Variants in CACNA2D4 observed in about 807,000 individuals in gnomAD.
CACNA2D4 encodes the protein calcium voltage-gated channel auxiliary subunit alpha2delta 4, also known as voltage-dependent calcium channel subunit alpha-2/delta-4.
A neutral mutation model predicts 163.8 loss-of-function variants in CACNA2D4; 157 were observed. The observed-to-expected ratio is 0.96, with a 90% CI of 0.84 to 1.09. The LOEUF is 1.09. Ranked by LOEUF, CACNA2D4 falls within the 50% of genes least tolerant of loss-of-function variation. The pLI, the probability that CACNA2D4 is intolerant of heterozygous loss-of-function variation, is 0.00. For synonymous variants in CACNA2D4, 598 were observed against 586.9 expected, an observed-to-expected ratio of 1.02 and a Z score of -0.27; for missense variants, 1,410 against 1,479.9, an observed-to-expected ratio of 0.95 and a Z score of 0.78.
chr12:1,918,440 G>C lies in CACNA2D4; in HGVS notation c.34C>G (p.Pro12Ala). 1 of 1,580,616 alleles carries C rather than the reference G, an allele frequency of 6.3e-7. No homozygotes were observed. Among genetic ancestry groups the C allele is most frequent in the Non-Finnish European group, 8.6e-7 (1 of 1,163,764 alleles). Residue 12 changes from proline to alanine, a missense_variant, in exon 1 of 38, where the codon CCC becomes GCC. Transcript: ENST00000382722. Reference sequence around the variant, plus strand: ...GCAGGCATGGTGGGCCTGGGGTTGGGGAGGGGAAGGAGGGCAGAGCAGCCA... The same window carrying C: ...GCAGGCATGGTGGGCCTGGGGTTGGCGAGGGGAAGGAGGGCAGAGCAGCCA... ...VCGCSALLPL[P>A]NPRPTMPATP...
At chr12:1,809,671 A>T in intron 29 of CACNA2D4, 1 of 654,136 alleles carries the variant, frequency 1.5e-6, no homozygotes, top group Non-Finnish European at 2.7e-6. Flanking sequence ...GGGTTCAGGG[A>T]GATACCCACA....
chr12:1,807,380 A>G (rs1349487737), intron 29 of CACNA2D4, among the ~76,000 whole-genome samples: 1 of 151,690 alleles, frequency 6.6e-6, no homozygotes, highest in Non-Finnish European at 1.5e-5. Context: ...ACCCTGAGCC[A>G]GCCGCACCCA....
At chr12:1,846,802 A>AG in intron 23 of CACNA2D4, 113 bp from the exon 24 acceptor site, 1 of 845,508 alleles carries the variant, frequency 1.2e-6, no homozygotes, top group Non-Finnish European at 1.9e-6. Flanking sequence ...GGCTCAGGGA[A>AG]GACTTTCCAG....
In CACNA2D4 at chr12:1,894,251, C is replaced by T. The variant is rs187034943; in HGVS notation, c.782-7182G>A. ...TAAAATTGAACCAGTAATAAAAAGCCTCCCAACAAAGGAAAATCTAGGACC... is the reference window on the plus strand; with the variant it reads ...TAAAATTGAACCAGTAATAAAAAGCTTCCCAACAAAGGAAAATCTAGGACC... On this transcript the variant is annotated intron_variant, in intron 6 of 37. Coordinates refer to ENST00000382722, the MANE Select transcript of CACNA2D4 (RefSeq NM_172364.5). Among the ~76,000 whole-genome samples, 7 of 152,220 alleles carry T rather than the reference C, an allele frequency of 4.6e-5. No homozygotes were observed. The East Asian group carries it at 9.6e-4, about 21-fold the overall frequency.
At chr12:1,860,946 A>T (rs534359137) in intron 18 of CACNA2D4, among the ~76,000 whole-genome samples, 3 of 152,156 alleles carry the variant, frequency 2.0e-5, no homozygotes, top group Non-Finnish European at 2.9e-5. Flanking sequence ...AAGTTACTTC[A>T]CTTCGAGTTC....
intron 29 of CACNA2D4, among the ~76,000 whole-genome samples, chr12:1,803,122 G>A (rs910784958): frequency 3.3e-5 from 5 of 152,248 alleles, no homozygotes; most frequent in African/African-American, 9.6e-5. Flanking sequence ...GCTGGTACAG[G>A]AGCTGAGGCA....
rs983250182 is a variant in CACNA2D4, at chr12:1,875,024, C to T, written c.1806+227G>A. Among the ~76,000 whole-genome samples, 2 of 152,176 alleles carry T rather than the reference C, an allele frequency of 1.3e-5. No individual in the cohort carries two copies. Among genetic ancestry groups the T allele is most frequent in the Admixed American group, 1.3e-4 (2 of 15,278 alleles). ...AGCTTATACACATGATCTCATCCAG[C>T]CTCAGTAGTCCTTGTGATTCAAGAA... On this transcript the variant is annotated intron_variant, in intron 17 of 37. Coordinates refer to ENST00000382722, the MANE Select transcript of CACNA2D4 (RefSeq NM_172364.5). The surrounding 1 kb of genome is among the most constrained non-coding windows in gnomAD (Gnocchi z 4.0).
In CACNA2D4 at chr12:1,878,421, C is replaced by A. The variant is rs1387724335; in HGVS notation, c.1645-32G>T. ...GAGTCCAGGGTGGAGGCGCATTAGG[C>A]CTGCTGTTTGTGCTGGGCATCTGGA... On this transcript the variant is annotated intron_variant, in intron 15 of 37. Coordinates refer to ENST00000382722, the MANE Select transcript of CACNA2D4 (RefSeq NM_172364.5). This position sits in a 1 kb window ranked among gnomAD's most constrained non-coding sequence, Gnocchi z 4.6. 1 of 1,574,184 alleles carries A rather than the reference C, an allele frequency of 6.4e-7. No homozygotes were observed. Among genetic ancestry groups the A allele is most frequent in the East Asian group, 2.3e-5 (1 of 42,756 alleles).
intron 6 of CACNA2D4, among the ~76,000 whole-genome samples, chr12:1,890,899 C>G (rs1003358383): frequency 3.9e-5 from 6 of 152,172 alleles, no homozygotes; most frequent in Non-Finnish European, 8.8e-5. Flanking sequence ...TAGGTTGCAC[C>G]CACCCTTACA....
chr12:1,882,534 G>C (rs1262752666), intron 13 of CACNA2D4, among the ~76,000 whole-genome samples: 1 of 151,478 alleles, frequency 6.6e-6, no homozygotes, highest in Admixed American at 6.6e-5. Context: ...TCTGTCCCGG[G>C]TGGGTGGGAG....
chr12:1,841,097 G>T (rs1180457398), intron 25 of CACNA2D4, among the ~76,000 whole-genome samples: 1 of 152,194 alleles, frequency 6.6e-6, no homozygotes, highest in Non-Finnish European at 1.5e-5. Context: ...CGTGTTTGTC[G>T]GCTGCGGCAT....
chr12:1,862,767 C>A (rs1205664348), intron 18 of CACNA2D4, among the ~76,000 whole-genome samples: 1 of 152,206 alleles, frequency 6.6e-6, no homozygotes, highest in Non-Finnish European at 1.5e-5. Context: ...AGCATCCTTG[C>A]ACAGCTTCCT....
intron 26 of CACNA2D4, among the ~76,000 whole-genome samples, chr12:1,825,788 C>T (rs1208519764): frequency 2.6e-5 from 4 of 152,190 alleles, no homozygotes; most frequent in Admixed American, 2.0e-4. Flanking sequence ...GGGTGACAGT[C>T]GCCAGGGAGT....
intron 18 of CACNA2D4, among the ~76,000 whole-genome samples, chr12:1,871,057 T>C (rs1432623872): frequency 6.6e-6 from 1 of 152,018 alleles, no homozygotes. Context: ...ACGTGTGTGT[T>C]GCTGGTGGTG....
intron 26 of CACNA2D4, among the ~76,000 whole-genome samples, chr12:1,814,774 C>T (rs1863823172): frequency 1.3e-5 from 2 of 152,236 alleles, no homozygotes; most frequent in African/African-American, 2.4e-5. Flanking sequence ...AACTGGCCCC[C>T]GCCTTGCATC....
chr12:1,795,435 A>G (rs1565666798), intron 36 of CACNA2D4, 54 bp from the exon 37 acceptor site: 16 of 1,537,448 alleles, frequency 1.0e-5, no homozygotes, highest in Non-Finnish European at 6.2e-6. Context: ...CATTCTGCAG[A>G]CTGGAAAAAG....
Position 1,834,873 on chromosome 12 carries a change from C to T in CACNA2D4, c.2551+5866G>A. The T allele has an allele frequency of 7.2e-7, 1 of 1,398,532 alleles. No individual in the cohort carries two copies. 86.6% of individuals were successfully genotyped at this position (1,398,532 alleles called of 1,614,324 possible). On this transcript the variant is annotated intron_variant, in intron 26 of 37. Transcript: ENST00000382722. This position sits in a 1 kb window ranked among gnomAD's most constrained non-coding sequence, Gnocchi z 7.6. ...GCAGACAAGCCACACCGGGTTCTCT[C>T]CCTGCACTTTCGAGGCTCCCTGAAA...
chr12:1,821,048 G>C (rs1175183715), intron 26 of CACNA2D4, among the ~76,000 whole-genome samples: 1 of 152,248 alleles, frequency 6.6e-6, no homozygotes, highest in Non-Finnish European at 1.5e-5. Flanking sequence ...AAGAGCTGTG[G>C]ATTCTGCTGG....
chr12:1,848,947 C>T (rs949383340), intron 23 of CACNA2D4, among the ~76,000 whole-genome samples: 6 of 152,156 alleles, frequency 3.9e-5, no homozygotes, highest in Non-Finnish European at 7.3e-5. Flanking sequence ...TGATCATCCA[C>T]CTTTGGCCAG....
Sources: gnomAD v4.1 joint callset for allele counts (sites outside exome capture counted in the v4.1 genomes callset) on GRCh38, gnomAD v4.1.1 for gene constraint, Gnocchi (gnomAD v3.1) non-coding constraint, MANE v1.5 for transcripts, NCBI Gene and HGNC (gene_info 2026-07-23, HGNC 2026-07-21) for gene names.